The following CCDC3 variants were observed in gnomAD, a reference collection of about 807,000 sequenced individuals.
The protein encoded by CCDC3 is coiled-coil domain containing 3, also known as coiled-coil domain-containing protein 3.
A neutral mutation model predicts 21.4 loss-of-function variants in CCDC3; 24 were observed. The ratio of observed to expected loss-of-function variants is 1.12; its 90% confidence interval spans 0.81 to 1.58. CCDC3 has a LOEUF of 1.58. Among genes scored for constraint, CCDC3 ranks in the 40% most tolerant of loss-of-function variants. The pLI is 0.00. For missense variants in CCDC3, 425 were observed against 360.9 expected (o/e 1.18, Z -1.44); for synonymous variants, 186 against 166.0 (o/e 1.12, Z -0.93).
rs539883951 is a variant in CCDC3 at position 12,999,768 on chromosome 10, CT to C, written c.375-1257del. ...AAAAGCCTGCTCAAACACTTGGGCT[CT>C]TTTTCCTTTGGAGAACAAAGTTCTG... On this transcript the variant is annotated intron_variant, in intron 1 of 2. Transcript: ENST00000378825. Among the ~76,000 whole-genome samples the C allele has an allele frequency of 6.3e-3, 964 of 152,258 alleles. 11 individuals are homozygous for C. Among genetic ancestry groups the C allele is most frequent in the African/African-American group, 0.022 (928 of 41,534 alleles).
intron 2 of CCDC3, among the ~76,000 whole-genome samples, chr10:12,937,765 G>A (rs997925072): frequency 9.2e-5 from 14 of 152,174 alleles, no homozygotes; most frequent in African/African-American, 3.1e-4. Flanking sequence ...GATGTCTTGT[G>A]GAAAACATGT....
intron 5 of CCDC3, among the ~76,000 whole-genome samples, chr10:13,030,447 A>C (rs1408355806): frequency 1.3e-5 from 2 of 152,214 alleles, no homozygotes; most frequent in African/African-American, 4.8e-5. Context: ...TGAGCAAAAT[A>C]ACCAGCTAAC....
chr10:13,090,031 T>TTA (rs1837162047), intron 3 of CCDC3, among the ~76,000 whole-genome samples: 2 of 7,830 alleles, frequency 2.6e-4, no homozygotes, highest in African/African-American at 3.2e-4. Flanking sequence ...TAGTATTCCG[T>TTA]TAGATATATA....
chr10:13,022,257 T>C (rs1037670906), intron 5 of CCDC3, among the ~76,000 whole-genome samples: 1 of 152,158 alleles, frequency 6.6e-6, no homozygotes, highest in African/African-American at 2.4e-5. Flanking sequence ...CTCTCTTTTT[T>C]TCACCCCTTC....
intron 5 of CCDC3, among the ~76,000 whole-genome samples, chr10:13,014,458 GAAAAAAAAAAAAGAAA>G (rs1836025263): frequency 2.6e-5 from 2 of 78,400 alleles, no homozygotes; most frequent in East Asian, 6.0e-4. Context: ...TCAAAAAAAA[GAAAAAAAAAAAAGAAA>G]AAAAAAAGAA....
Position 12,897,760 on chromosome 10 carries a change from T to C in CCDC3, c.*656A>G, listed in dbSNP as rs2131189893. On this transcript the variant is annotated 3_prime_UTR_variant, in exon 3 of 3. Coordinates refer to ENST00000378825, the MANE Select transcript of CCDC3 (RefSeq NM_031455.4). ...CATCTTCAACTCTTTGTAGCTGGTGTTGGAAATCAGGTATAATTTATCTTG... is the reference window on the plus strand; with the variant it reads ...CATCTTCAACTCTTTGTAGCTGGTGCTGGAAATCAGGTATAATTTATCTTG... The C allele has an allele frequency of 6.6e-6, 1 of 152,404 alleles. No individual in the cohort carries two copies. Among genetic ancestry groups the C allele is most frequent in the Non-Finnish European group, 1.5e-5 (1 of 68,088 alleles). The allele number at this position is 152,404 out of a possible 1,614,324, so 9.4% of individuals were successfully genotyped here.
chr10:12,949,035 G>A (rs1247321612), intron 2 of CCDC3, among the ~76,000 whole-genome samples: 1 of 152,046 alleles, frequency 6.6e-6, no homozygotes, highest in African/African-American at 2.4e-5. Flanking sequence ...ACATTATGGG[G>A]ATACCTACAT....
intron 2 of CCDC3, among the ~76,000 whole-genome samples, chr10:12,933,859 C>T (rs553237755): frequency 1.4e-4 from 22 of 152,024 alleles, no homozygotes; most frequent in Non-Finnish European, 2.6e-4. Context: ...CTATAATTAA[C>T]CTGGATAGAG....
chr10:12,923,384 C>T (rs1188542002), intron 2 of CCDC3, among the ~76,000 whole-genome samples: 1 of 152,152 alleles, frequency 6.6e-6, no homozygotes, highest in East Asian at 1.9e-4. Flanking sequence ...TGAACATACC[C>T]CAAACATTAC....
intron 2 of CCDC3, among the ~76,000 whole-genome samples, chr10:12,956,464 A>G (rs1835087492): frequency 1.3e-5 from 2 of 152,034 alleles, no homozygotes; most frequent in South Asian, 4.2e-4. Flanking sequence ...CTTCCTACCC[A>G]TGGGACCTCG....
chr10:13,051,128 T>C (rs1304989861), intron 4 of CCDC3, among the ~76,000 whole-genome samples: 1 of 152,170 alleles, frequency 6.6e-6, no homozygotes, highest in Non-Finnish European at 1.5e-5. Flanking sequence ...TCCTTTGGGA[T>C]TCCTTTGAGT....
rs1467107993 is a variant in CCDC3 at position 13,054,136 on chromosome 10, G to GAC, written c.-269-4196_-269-4195insGT. 5.7e-5 allele frequency among the ~76,000 whole-genome samples: 8 copies of GAC among 141,102 alleles called. No individual in the cohort carries two copies. In the East Asian group the frequency reaches 1.7e-3, roughly 30 times the overall value. 92.6% of individuals were successfully genotyped at this position (141,102 alleles called of 152,430 possible). A position where few individuals can be genotyped will look rare whatever the true frequency, so the allele number is the denominator to read the frequency against. ...CTCTGGCCTGGGTGACAGAGAGAGA[G>GAC]AGAGAGAGACTCTGTATCAAAAAAA... is the stretch of plus-strand genomic sequence containing the variant. On this transcript the variant is annotated intron_variant, in intron 4 of 6. Coordinates refer to the CCDC3 transcript ENST00000378839.
At chr10:12,913,230 T>A (rs1214939959) in intron 2 of CCDC3, among the ~76,000 whole-genome samples, 1 of 152,234 alleles carries the variant, frequency 6.6e-6, no homozygotes, top group East Asian at 1.9e-4. Flanking sequence ...CAGGATATCT[T>A]CCCATTTATT....
chr10:12,941,384 A>G lies in CCDC3; in HGVS notation c.550-42705T>C, dbSNP rs182166362. ...CTGTCTATGGAGAAGCCATTCTTTT[A>G]TTCTTGTACTTTCTTTCATTTTACT... On this transcript the variant is annotated intron_variant, in intron 2 of 2. Coordinates refer to ENST00000378825, the MANE Select transcript of CCDC3 (RefSeq NM_031455.4). Among the ~76,000 whole-genome samples the G allele has an allele frequency of 2.6e-5, 4 of 152,100 alleles. No individual in the cohort carries two copies. The East Asian group carries it at 7.8e-4, about 29-fold the overall frequency.
intron 5 of CCDC3, among the ~76,000 whole-genome samples, chr10:13,015,465 C>G (rs1044361246): frequency 6.6e-6 from 1 of 151,926 alleles, no homozygotes; most frequent in East Asian, 1.9e-4. Flanking sequence ...TGCCAGTCAT[C>G]ACAGCGGTTA....
rs80115587 is a variant in CCDC3 at position 12,937,385 on chromosome 10, T to C, written c.550-38706A>G. On this transcript the variant is annotated intron_variant, in intron 2 of 2. Transcript: ENST00000378825. ...TATGTGTGCGGTTATCAAGCCACCA[T>C]AGTACTAGCAGTACCTGAGATGTTG... 2.5e-3 allele frequency among the ~76,000 whole-genome samples: 387 copies of C among 152,264 alleles called. 3 individuals are homozygous for C. Among genetic ancestry groups the C allele is most frequent in the African/African-American group, 8.9e-3 (371 of 41,534 alleles).
intron 5 of CCDC3, among the ~76,000 whole-genome samples, chr10:13,044,923 T>C (rs185378008): frequency 2.0e-5 from 3 of 152,336 alleles, no homozygotes; most frequent in Non-Finnish European, 2.9e-5. Context: ...TTCATGAGCA[T>C]TGGAAGTTTT....
At chr10:12,905,648 A>T (rs61852237) in intron 2 of CCDC3, among the ~76,000 whole-genome samples, 31,459 of 152,188 alleles carry the variant, frequency 0.21, 4,098 homozygotes, top group Non-Finnish European at 0.29. Context: ...CAAAGGTCCT[A>T]TTGACTCCAT....
At chr10:13,049,385 A>G (rs1836573833) in intron 5 of CCDC3, among the ~76,000 whole-genome samples, 1 of 152,114 alleles carries the variant, frequency 6.6e-6, no homozygotes. Context: ...AGTGAATTGG[A>G]TGGCGCCAAT....
Sources: allele counts gnomAD v4.1 joint callset (sites outside exome capture counted in the v4.1 genomes callset), GRCh38; gene constraint gnomAD v4.1.1; transcripts MANE v1.5; gene names NCBI Gene and HGNC (gene_info 2026-07-23, HGNC 2026-07-21).